The following XIRP2 variants were observed in gnomAD, a reference collection of about 807,000 sequenced individuals.
XIRP2 encodes xin actin-binding repeat-containing protein 2.
Under a neutral mutation model 277.0 loss-of-function variants are expected in XIRP2, and 236 were observed. The ratio of observed to expected loss-of-function variants is 0.85; its 90% CI spans 0.77 to 0.95. The LOEUF (loss-of-function observed/expected upper bound fraction) is 0.95. XIRP2 is among the 40% of genes least tolerant of loss of function. The pLI is 0.00. For missense variants in XIRP2, 4,640 were observed against 4,157.5 expected, an observed-to-expected ratio of 1.12 and a Z score of -3.19; for synonymous variants, 1,490 against 1,416.5, an observed-to-expected ratio of 1.05 and a Z score of -1.17.
intron 3 of XIRP2, among the ~76,000 whole-genome samples, chr2:167,160,238 T>G (rs1425539278): frequency 6.6e-6 from 1 of 152,172 alleles, no homozygotes; most frequent in Non-Finnish European, 1.5e-5. Flanking sequence ...TACTGGAAAA[T>G]AGAGAAAAGC....
At chr2:167,080,283 G>C (rs1689695250) in intron 2 of XIRP2, among the ~76,000 whole-genome samples, 1 of 152,148 alleles carries the variant, frequency 6.6e-6, no homozygotes, top group South Asian at 2.1e-4. Context: ...GAATTGACCA[G>C]ATAATGAGAA....
At chr2:166,961,269 A>T (rs187185836) in intron 2 of XIRP2, among the ~76,000 whole-genome samples, 60 of 151,836 alleles carry the variant, frequency 4.0e-4, no homozygotes, top group African/African-American at 1.4e-3. Context: ...AAGAGCTATG[A>T]CAGAGAATAT....
At chr2:166,949,134 G>A (rs1685963137) in intron 2 of XIRP2, among the ~76,000 whole-genome samples, 1 of 151,916 alleles carries the variant, frequency 6.6e-6, no homozygotes, top group South Asian at 2.1e-4. Context: ...TGAGGTTCAT[G>A]AGCAACTGGT....
chr2:167,184,718 T>G, intron 3 of XIRP2: 3 of 676,494 alleles, frequency 4.4e-6, no homozygotes, highest in Non-Finnish European at 8.1e-6. Flanking sequence ...TTACATATAT[T>G]ATCTCTGCAA....
At chr2:166,978,646 T>C (rs575604119) in intron 2 of XIRP2, among the ~76,000 whole-genome samples, 4 of 152,286 alleles carry the variant, frequency 2.6e-5, no homozygotes, top group African/African-American at 9.6e-5. Context: ...AGAAATTGCT[T>C]CATCATGTTT....
intron 2 of XIRP2, among the ~76,000 whole-genome samples, chr2:167,060,277 AG>A (rs1271665911): frequency 6.6e-6 from 1 of 152,204 alleles, no homozygotes; most frequent in African/African-American, 2.4e-5. Context: ...AGAAAAAAGA[AG>A]CAAAAGCAAC....
chr2:167,067,950 A>G (rs1289850187), intron 2 of XIRP2, among the ~76,000 whole-genome samples: 1 of 152,190 alleles, frequency 6.6e-6, no homozygotes, highest in African/African-American at 2.4e-5. Context: ...AGACTTGGAA[A>G]GTCTTTCTGT....
intron 2 of XIRP2, among the ~76,000 whole-genome samples, chr2:167,053,933 T>C (rs1485024673): frequency 6.6e-6 from 1 of 151,858 alleles, no homozygotes; most frequent in East Asian, 1.9e-4. Flanking sequence ...TTTTGAAGAG[T>C]TCCCTGAAAT....
intron 3 of XIRP2, among the ~76,000 whole-genome samples, chr2:167,137,308 T>C (rs776517065): frequency 3.3e-5 from 5 of 152,216 alleles, no homozygotes; most frequent in Admixed American, 1.3e-4. Context: ...TATGCCCAAT[T>C]AATATCCTAA....
chr2:167,246,359 A>T lies in XIRP2; in HGVS notation c.4967A>T (p.Lys1656Ile). ...CATGCTGAAAAAGAAGAGATAGTGA[A>T]AGGTGATGTACAACAAGCAATAAAA... ...EFHAEKEEIV[K>I]GDVQQAIKNL... Residue 1656 changes from lysine to isoleucine, a missense_variant, in exon 9 of 11, where the codon AAA (lysine) becomes ATA (isoleucine). Coordinates refer to ENST00000409195, the MANE Select transcript of XIRP2 (RefSeq NM_152381.6). The T allele has an allele frequency of 6.2e-7, 1 of 1,613,208 alleles. No homozygotes were observed. The highest frequency in any genetic ancestry group is 1.1e-5 in the South Asian group (1 of 90,904).
intron 2 of XIRP2, among the ~76,000 whole-genome samples, chr2:167,054,853 T>A (rs1689002546): frequency 6.6e-6 from 1 of 152,198 alleles, no homozygotes; most frequent in Admixed American, 6.5e-5. Flanking sequence ...TGAAAGATAA[T>A]ATTGATATTT....
chr2:167,021,520 T>A (rs1362464090), intron 2 of XIRP2, among the ~76,000 whole-genome samples: 1 of 152,090 alleles, frequency 6.6e-6, no homozygotes, highest in African/African-American at 2.4e-5. Flanking sequence ...TTTAAAAATA[T>A]GGGTGATTTT....
chr2:167,117,350 T>C (rs1338909009), intron 2 of XIRP2, among the ~76,000 whole-genome samples: 2 of 152,184 alleles, frequency 1.3e-5, no homozygotes, highest in Admixed American at 6.5e-5. Flanking sequence ...ATGTATCAGC[T>C]TCTTTTTTCT....
chr2:166,995,029 G>A lies in XIRP2; in HGVS notation c.408+91139G>A, dbSNP rs149705419. The stretch of plus-strand genomic sequence containing the variant: ...CCCTAGAAGCTGGGACTACAGGTGC[G>A]CACCACCTCGCCCAGCTAATTTTTG... On this transcript the variant is annotated intron_variant, in intron 2 of 10. Transcript: ENST00000409195. 4.0e-4 allele frequency among the ~76,000 whole-genome samples: 60 copies of A among 151,696 alleles called. 1 individual carries two copies. Among genetic ancestry groups the A allele is most frequent in the East Asian group, 1.9e-3 (10 of 5,134 alleles).
chr2:166,974,001 T>G (rs1411219060), intron 2 of XIRP2, among the ~76,000 whole-genome samples: 2 of 152,200 alleles, frequency 1.3e-5, no homozygotes, highest in Non-Finnish European at 2.9e-5. Context: ...GACAAATCAA[T>G]GTCAGATAAA....
Position 167,057,993 on chromosome 2 carries a change from C to T in XIRP2, c.409-77916C>T, listed in dbSNP as rs147478225. Among the ~76,000 whole-genome samples the T allele has an allele frequency of 4.7e-4, 70 of 147,822 alleles. 1 individual carries two copies. Among genetic ancestry groups the T allele is most frequent in the South Asian group, 2.0e-3 (9 of 4,500 alleles). ...TAGTTTGTCTGAGGGTAGGGCTTCC[C>T]GTTATGCATGTTTTATTTTATTTTA... On this transcript the variant is annotated intron_variant, in intron 2 of 10. Coordinates refer to ENST00000409195, the MANE Select transcript of XIRP2 (RefSeq NM_152381.6).
rs13028603 is a variant in XIRP2 at position 167,030,550 on chromosome 2, C to A, written c.409-105359C>A. Among the ~76,000 whole-genome samples the A allele has an allele frequency of 7.5e-4, 114 of 152,232 alleles. 1 individual carries two copies. The highest frequency in any genetic ancestry group is 2.7e-3 in the African/African-American group (112 of 41,532). Reference sequence around the variant, plus strand: ...TGAGTGAGTTTCTTAATCCTGAGTTCTCATTTGATTGCACTGTGGTCTGAG... The same window carrying A: ...TGAGTGAGTTTCTTAATCCTGAGTTATCATTTGATTGCACTGTGGTCTGAG... On this transcript the variant is annotated intron_variant, in intron 2 of 10. Transcript: ENST00000409195.
At position 167,245,565 on chromosome 2, in the gene XIRP2, T is replaced by C. The variant is rs1695227746; in HGVS notation, c.4173T>C (p.Phe1391=). The stretch of plus-strand genomic sequence containing the variant: ...ATGTTAGTTCTGTCAGATACAGATT[T>C]GAAACTCAGCCACTGGATCAGATTT... The part of the protein sequence containing the change: ...KGDVSSVRYR[F]ETQPLDQISE... The change falls in exon 9 of 11, where the codon TTT becomes TTC. Residue 1391 remains phenylalanine, a synonymous_variant. Transcript: ENST00000409195. 1 of 1,613,678 alleles carries C rather than the reference T, an allele frequency of 6.2e-7. No individual in the cohort carries two copies. The highest frequency in any genetic ancestry group is 1.3e-5 in the African/African-American group (1 of 75,032).
intron 2 of XIRP2, among the ~76,000 whole-genome samples, chr2:167,133,957 C>G (rs923247028): frequency 1.3e-5 from 2 of 151,844 alleles, no homozygotes; most frequent in Non-Finnish European, 2.9e-5. Context: ...AAGGGAATGC[C>G]CTGAAAAAAA....
Sources: allele counts gnomAD v4.1 joint callset (sites outside exome capture counted in the v4.1 genomes callset), GRCh38; gene constraint gnomAD v4.1.1; transcripts MANE v1.5; gene names NCBI Gene and HGNC (gene_info 2026-07-23, HGNC 2026-07-21).